Variants in TMSB4Y observed in about 807,000 individuals in gnomAD.
TMSB4Y encodes thymosin beta 4 Y-linked.
Under a neutral mutation model 1.0 loss-of-function variants are expected in TMSB4Y, and 2 were observed. The observed-to-expected ratio is 2.00, with a 90% CI of 0.82 to 6.31. The LOEUF is 6.31. TMSB4Y is among the 30% of genes most tolerant of loss of function. TMSB4Y has a pLI of 0.05. For synonymous variants in TMSB4Y, 7 were observed against 3.6 expected, an observed-to-expected ratio of 1.96 and a Z score of -1.08; for missense variants, 12 against 9.1, an observed-to-expected ratio of 1.31 and a Z score of -0.41.
intron 1 of TMSB4Y, among the ~76,000 whole-genome samples, chrY:13,704,795 A>C: frequency 3.1e-5 from 1 of 32,392 alleles, no homozygotes; most frequent in Non-Finnish European, 7.5e-5. Context: ...TGGGAGGGGA[A>C]GTTGCAGTGA....
At chrY:13,705,196 T>C in intron 1 of TMSB4Y, 29 bp from the exon 2 acceptor site, 1 of 395,599 alleles carries the variant, frequency 2.5e-6, no homozygotes, top group South Asian at 3.0e-5. Flanking sequence ...ACTCCATCTT[T>C]TTCCTTTTCT....
chrY:13,704,451 C>T lies in TMSB4Y; in HGVS notation c.100+16C>T. 2.8e-6 allele frequency: 1 copy of T among 352,311 alleles called. No homozygotes were observed. The highest frequency in any genetic ancestry group is 4.1e-6 in the Non-Finnish European group (1 of 242,666). The allele number at this position is 352,311 out of a possible 400,897, so 87.9% of individuals were successfully genotyped here. Reference sequence around the variant, plus strand: ...TCCAAAGAAAGTAAGCTCCGATCCTCCCCCATCTTTAGAAAGGCTGGAATG... The same window carrying T: ...TCCAAAGAAAGTAAGCTCCGATCCTTCCCCATCTTTAGAAAGGCTGGAATG... On this transcript the variant is annotated intron_variant, in intron 1 of 1. Coordinates refer to ENST00000284856, the MANE Select transcript of TMSB4Y (RefSeq NM_004202.3).
At position 13,704,159 on chromosome Y, in the gene TMSB4Y, C is replaced by T. The variant is rs570780654; in HGVS notation, c.-177C>T. On this transcript the variant is annotated 5_prime_UTR_variant, in exon 1 of 2. Coordinates refer to ENST00000284856, the MANE Select transcript of TMSB4Y (RefSeq NM_004202.3). Reference sequence around the variant, plus strand: ...AAATATTTGAGGAAAGGTGTCGCCTCTTTTTCTGTGGAAAGAGGAAGCTCA... The same window carrying T: ...AAATATTTGAGGAAAGGTGTCGCCTTTTTTTCTGTGGAAAGAGGAAGCTCA... The T allele has an allele frequency of 2.6e-4, 36 of 138,664 alleles. No homozygotes were observed. The African/African-American group carries it at 2.9e-3, about 11-fold the overall frequency. 34.6% of individuals were successfully genotyped at this position (138,664 alleles called of 400,897 possible). A position where few individuals can be genotyped will look rare whatever the true frequency, so the allele number is the denominator to read the frequency against.
Position 13,704,351 on chromosome Y carries a change from G to A in TMSB4Y, c.16G>A (p.Gly6Ser). Reference sequence around the variant, plus strand: ...CTCCGCAGCCATGTCTGACAAACCTGGTATGGCTGAGATCGAGAAATTCGA... The same window carrying A: ...CTCCGCAGCCATGTCTGACAAACCTAGTATGGCTGAGATCGAGAAATTCGA... Reference protein sequence around the residue: MSDKPGMAEIEKFDKS... With the variant: MSDKPSMAEIEKFDKS... The change falls in exon 1 of 2, where the codon GGT becomes AGT. Residue 6 changes from glycine (G) to serine (S), a missense_variant. Physicochemically the swap from Gly to Ser is moderately conservative, Grantham distance 56 (BLOSUM62 0). Coordinates refer to ENST00000284856, the MANE Select transcript of TMSB4Y (RefSeq NM_004202.3). 2 of 396,642 alleles carry A rather than the reference G, an allele frequency of 5.0e-6. No homozygotes were observed. Among genetic ancestry groups the A allele is most frequent in the Non-Finnish European group, 7.1e-6 (2 of 281,844 alleles).
Position 13,705,376 on chromosome Y carries a change from T to C in TMSB4Y, c.*117T>C. ...ACACGTTGGATGAGTTTGAAAGGACTATGCTGCCCTTTTGACATCAAAGAC... is the reference window on the plus strand; with the variant it reads ...ACACGTTGGATGAGTTTGAAAGGACCATGCTGCCCTTTTGACATCAAAGAC... On this transcript the variant is annotated 3_prime_UTR_variant, in exon 2 of 2. Transcript: ENST00000284856. The C allele has an allele frequency of 6.1e-6, 1 of 164,733 alleles. No individual in the cohort carries two copies. Among genetic ancestry groups the C allele is most frequent in the Non-Finnish European group, 1.0e-5 (1 of 95,801 alleles). 41.1% of individuals were successfully genotyped at this position (164,733 alleles called of 400,897 possible).
At position 13,704,323 on chromosome Y, in the gene TMSB4Y, T is replaced by G; in HGVS notation, c.-13T>G. On this transcript the variant is annotated 5_prime_UTR_variant, in exon 1 of 2. Transcript: ENST00000284856. ...CTCACTTTGGATTGCTCCCTACGGC[T>G]TCCTCCGCAGCCATGTCTGACAAAC... The G allele has an allele frequency of 2.6e-6, 1 of 383,425 alleles. No individual in the cohort carries two copies. Among genetic ancestry groups the G allele is most frequent in the Non-Finnish European group, 3.7e-6 (1 of 269,933 alleles).
chrY:13,704,439 A>C lies in TMSB4Y; in HGVS notation c.100+4A>C. 2.7e-6 allele frequency: 1 copy of C among 367,020 alleles called. No homozygotes were observed. The highest frequency in any genetic ancestry group is 7.8e-5 in the Admixed American group (1 of 12,830). The allele number at this position is 367,020 out of a possible 400,897, so 91.5% of individuals were successfully genotyped here. A position where few individuals can be genotyped will look rare whatever the true frequency, so the allele number is the denominator to read the frequency against. On this transcript the variant is annotated splice_donor_region_variant and intron_variant, in intron 1 of 1. Coordinates refer to ENST00000284856, the MANE Select transcript of TMSB4Y (RefSeq NM_004202.3). Reference sequence around the variant, plus strand: ...AATCCATTGTCTTCCAAAGAAAGTAAGCTCCGATCCTCCCCCATCTTTAGA... The same window carrying C: ...AATCCATTGTCTTCCAAAGAAAGTACGCTCCGATCCTCCCCCATCTTTAGA...
At position 13,705,302 on chromosome Y, in the gene TMSB4Y, T is replaced by C. The variant is rs373131786; in HGVS notation, c.*43T>C. On this transcript the variant is annotated 3_prime_UTR_variant, in exon 2 of 2. Coordinates refer to ENST00000284856, the MANE Select transcript of TMSB4Y (RefSeq NM_004202.3). ...ATATCTACTGTACATTCTACAAGCA[T>C]TGCTTTCTTATTTTACTTCTTTTAC... The C allele has an allele frequency of 2.9e-4, 105 of 360,447 alleles. No homozygotes were observed. The highest frequency in any genetic ancestry group is 4.1e-4 in the Non-Finnish European group (103 of 252,159). The allele number at this position is 360,447 out of a possible 400,897, so 89.9% of individuals were successfully genotyped here.
Position 13,705,232 on chromosome Y carries a change from A to G in TMSB4Y, c.108A>G (p.Glu36=). The part of the protein sequence containing the change: ...KNPLSSKETI[E]QERQAGES ...GTTTTTTTCTGGTCGCAGCTATCGA[A>G]CAGGAGAGGCAAGCAGGCGAATCTT... is the stretch of plus-strand genomic sequence containing the variant. The change falls in exon 2 of 2, where the codon GAA becomes GAG. Residue 36 remains glutamate, a synonymous_variant. Transcript: ENST00000284856. 2.5e-6 allele frequency: 1 copy of G among 398,492 alleles called. No homozygotes were observed. The highest frequency in any genetic ancestry group is 3.5e-6 in the Non-Finnish European group (1 of 283,098).
At position 13,705,349 on chromosome Y, in the gene TMSB4Y, A is replaced by G; in HGVS notation, c.*90A>G. 1 of 262,409 alleles carries G rather than the reference A, an allele frequency of 3.8e-6. No individual in the cohort carries two copies. Among genetic ancestry groups the G allele is most frequent in the Non-Finnish European group, 6.1e-6 (1 of 165,001 alleles). 65.5% of individuals were successfully genotyped at this position (262,409 alleles called of 400,897 possible). A position where few individuals can be genotyped will look rare whatever the true frequency, so the allele number is the denominator to read the frequency against. ...TTACTTGTTTAACTTGGTTAGATGCAAACACGTTGGATGAGTTTGAAAGGA... is the reference window on the plus strand; with the variant it reads ...TTACTTGTTTAACTTGGTTAGATGCGAACACGTTGGATGAGTTTGAAAGGA... On this transcript the variant is annotated 3_prime_UTR_variant, in exon 2 of 2. Transcript: ENST00000284856.
Position 13,705,229 on chromosome Y carries a change from C to T in TMSB4Y, c.105C>T (p.Ile35=), listed in dbSNP as rs750618349. ...TCTGTTTTTTTCTGGTCGCAGCTAT[C>T]GAACAGGAGAGGCAAGCAGGCGAAT... ...EKNPLSSKET[I]EQERQAGES is the part of the protein sequence containing the mutation. The change falls in exon 2 of 2, where the codon ATC becomes ATT. Residue 35 remains isoleucine, a synonymous_variant. Coordinates refer to ENST00000284856, the MANE Select transcript of TMSB4Y (RefSeq NM_004202.3). 9 of 397,948 alleles carry T rather than the reference C, an allele frequency of 2.3e-5. No homozygotes were observed. The South Asian group carries it at 2.7e-4, about 12-fold the overall frequency.
Position 13,705,242 on chromosome Y carries a change from C to T in TMSB4Y, c.118C>T (p.Gln40Ter). Residue 40 changes from glutamine to a stop codon, truncating the protein, a stop_gained, in exon 2 of 2, where the codon CAA (glutamine) becomes TAA (stop). Coordinates refer to ENST00000284856, the MANE Select transcript of TMSB4Y (RefSeq NM_004202.3). LOFTEE classifies it high-confidence loss of function. The stretch of plus-strand genomic sequence containing the variant: ...GGTCGCAGCTATCGAACAGGAGAGG[C>T]AAGCAGGCGAATCTTAAACAGGCAT... ...SSKETIEQER[Q>*]AGES is the part of the protein sequence containing the mutation. The T allele has an allele frequency of 2.5e-6, 1 of 398,273 alleles. No homozygotes were observed. The highest frequency in any genetic ancestry group is 3.0e-5 in the South Asian group (1 of 33,743).
chrY:13,704,477 C>T, intron 1 of TMSB4Y, 42 bp downstream of exon 1: 3 of 275,628 alleles, frequency 1.1e-5, no homozygotes, highest in Non-Finnish European at 1.7e-5. Flanking sequence ...GGCTGGAATG[C>T]GAGCGGGCGG....
chrY:13,705,475 G>A lies in TMSB4Y; in HGVS notation c.*216G>A, dbSNP rs758097554. 1.1e-5 allele frequency: 1 copy of A among 94,845 alleles called. No homozygotes were observed. Among genetic ancestry groups the A allele is most frequent in the African/African-American group, 9.6e-5 (1 of 10,464 alleles). 23.7% of individuals were successfully genotyped at this position (94,845 alleles called of 400,897 possible). A position where few individuals can be genotyped will look rare whatever the true frequency, so the allele number is the denominator to read the frequency against. On this transcript the variant is annotated 3_prime_UTR_variant, in exon 2 of 2. Transcript: ENST00000284856. ...GGCAGGGAAGGAAAATAGCTTGAAT[G>A]TTGGTGAAAGACTTAGCGGAGTGGG...
In TMSB4Y at chrY:13,705,825, T is replaced by G. The variant is rs2079761231; in HGVS notation, c.*566T>G. 2.9e-5 allele frequency: 1 copy of G among 34,235 alleles called. No individual in the cohort carries two copies. The highest frequency in any genetic ancestry group is 6.3e-4 in the South Asian group (1 of 1,576). 8.5% of individuals were successfully genotyped at this position (34,235 alleles called of 400,897 possible). Reference sequence around the variant, plus strand: ...TTACCTGGATATGTAAAATACCTTCTTTATTCTAGCTAATTGGGAGATGAT... The same window carrying G: ...TTACCTGGATATGTAAAATACCTTCGTTATTCTAGCTAATTGGGAGATGAT... On this transcript the variant is annotated 3_prime_UTR_variant, in exon 2 of 2. Coordinates refer to ENST00000284856, the MANE Select transcript of TMSB4Y (RefSeq NM_004202.3).
At chrY:13,704,973 AAC>A (rs2079760618) in intron 1 of TMSB4Y, among the ~76,000 whole-genome samples, 1 of 33,710 alleles carries the variant, frequency 3.0e-5, no homozygotes, top group African/African-American at 1.2e-4. Context: ...ATAATATACA[AAC>A]ACATTTATCA....
Position 13,704,410 on chromosome Y carries a change from G to A in TMSB4Y, c.75G>A (p.Glu25=). ...KSKLKKTETQ[E]KNPLSSKETI... ...AACTGAAGAAGACAGAAACGCAAGA[G>A]AAGAATCCATTGTCTTCCAAAGAAA... The change falls in exon 1 of 2, where the codon GAG becomes GAA. Residue 25 remains glutamate (E), a synonymous_variant. Coordinates refer to ENST00000284856, the MANE Select transcript of TMSB4Y (RefSeq NM_004202.3). The A allele has an allele frequency of 2.6e-6, 1 of 391,538 alleles. No homozygotes were observed. The highest frequency in any genetic ancestry group is 3.6e-6 in the Non-Finnish European group (1 of 277,781).
chrY:13,705,438 G>A lies in TMSB4Y; in HGVS notation c.*179G>A. ...GGAGGCCACGCCTGCTTCTCCCATCGCCTGTCTGGCTGGCAGGGAAGGAAA... is the reference window on the plus strand; with the variant it reads ...GGAGGCCACGCCTGCTTCTCCCATCACCTGTCTGGCTGGCAGGGAAGGAAA... On this transcript the variant is annotated 3_prime_UTR_variant, in exon 2 of 2. Transcript: ENST00000284856. 1 of 107,768 alleles carries A rather than the reference G, an allele frequency of 9.3e-6. No homozygotes were observed. 26.9% of individuals were successfully genotyped at this position (107,768 alleles called of 400,897 possible). A position where few individuals can be genotyped will look rare whatever the true frequency, so the allele number is the denominator to read the frequency against.
Position 13,705,338 on chromosome Y carries a change from T to G in TMSB4Y, c.*79T>G. The G allele has an allele frequency of 4.3e-5, 12 of 280,845 alleles. No homozygotes were observed. Among genetic ancestry groups the G allele is most frequent in the Non-Finnish European group, 6.7e-5 (12 of 180,342 alleles). 70.1% of individuals were successfully genotyped at this position (280,845 alleles called of 400,897 possible). Reference sequence around the variant, plus strand: ...TTTTACTTCTTTTACTTGTTTAACTTGGTTAGATGCAAACACGTTGGATGA... The same window carrying G: ...TTTTACTTCTTTTACTTGTTTAACTGGGTTAGATGCAAACACGTTGGATGA... On this transcript the variant is annotated 3_prime_UTR_variant, in exon 2 of 2. Transcript: ENST00000284856.
Sources: gnomAD v4.1 joint callset for allele counts (sites outside exome capture counted in the v4.1 genomes callset) on GRCh38, gnomAD v4.1.1 for gene constraint, MANE v1.5 for transcripts, NCBI Gene and HGNC (gene_info 2026-07-23, HGNC 2026-07-21) for gene names.